Variants in TTC21B observed in about 807,000 individuals in gnomAD.
TTC21B encodes the protein tetratricopeptide repeat domain 21B.
In TTC21B, 127 loss-of-function variants were observed where a neutral mutation model predicts 175.1. The observed-to-expected ratio is 0.73, with a 90% CI of 0.63 to 0.84. The LOEUF (loss-of-function observed/expected upper bound fraction) is 0.84, where lower values mean the gene tolerates loss of function less well. Ranked by LOEUF, TTC21B falls within the 40% of genes least tolerant of loss-of-function variation. The pLI, the probability that TTC21B is intolerant of heterozygous loss-of-function variation, is 0.00. For synonymous variants in TTC21B, 524 were observed against 524.5 expected, an observed-to-expected ratio of 1.00 and a Z score of 0.01; for missense variants, 1,561 against 1,558.3, an observed-to-expected ratio of 1.00 and a Z score of -0.03.
At chr2:165,892,088 T>C (rs751576317) in intron 22 of TTC21B, among the ~76,000 whole-genome samples, 2 of 152,150 alleles carry the variant, frequency 1.3e-5, no homozygotes, top group African/African-American at 2.4e-5. Flanking sequence ...AATGGTTGCA[T>C]AAGGGCCTAC....
At chr2:165,891,464 C>A (rs962348897) in intron 22 of TTC21B, among the ~76,000 whole-genome samples, 3 of 152,146 alleles carry the variant, frequency 2.0e-5, no homozygotes, top group Non-Finnish European at 4.4e-5. Flanking sequence ...TTTCTCCAGT[C>A]TCTCTTTGAT....
At chr2:165,894,937 A>G (rs1685314811) in intron 22 of TTC21B, among the ~76,000 whole-genome samples, 1 of 152,200 alleles carries the variant, frequency 6.6e-6, no homozygotes, top group Non-Finnish European at 1.5e-5. Context: ...AACTCATCCC[A>G]GTTTGCCTGT....
At chr2:165,932,841 A>G (rs1231201068) in intron 7 of TTC21B, 132 bp downstream of exon 7, 1 of 812,408 alleles carries the variant, frequency 1.2e-6, no homozygotes, top group East Asian at 2.8e-5. Context: ...AATCAACTAA[A>G]AACTACCATG....
rs1416103616 is a variant in TTC21B, at chr2:165,949,473, C to T, written c.183G>A (p.Glu61=). Residue 61 remains glutamate, a synonymous_variant, in exon 3 of 29, where the codon GAG becomes GAA. Transcript: ENST00000243344. ...ATACATCTTGTTTATTTTTAATAGC[C>T]TCAAATTCTCGAAGAGCTTCTTGAG... ...GKTQEALREF[E]AIKNKQDVSL... is the part of the protein sequence containing the mutation. The T allele has an allele frequency of 1.9e-6, 3 of 1,613,790 alleles. No individual in the cohort carries two copies. Among genetic ancestry groups the T allele is most frequent in the Non-Finnish European group, 2.5e-6 (3 of 1,179,868 alleles).
At chr2:165,930,118 A>G in intron 9 of TTC21B, 54 bp downstream of exon 9, 4 of 1,541,144 alleles carry the variant, frequency 2.6e-6, no homozygotes, top group Non-Finnish European at 3.6e-6. Context: ...GCAAGTTAAA[A>G]GCAATTGCTA....
chr2:165,889,215 T>C (rs527276839), intron 24 of TTC21B, among the ~76,000 whole-genome samples: 29 of 152,284 alleles, frequency 1.9e-4, no homozygotes, highest in African/African-American at 7.0e-4. Context: ...TCTCAGGCCT[T>C]AGGCTTATCT....
At chr2:165,921,573 G>A (rs1178105096) in intron 12 of TTC21B, among the ~76,000 whole-genome samples, 1 of 152,120 alleles carries the variant, frequency 6.6e-6, no homozygotes, top group Admixed American at 6.6e-5. Context: ...CAAATTTGCA[G>A]CTAGTCAAAA....
chr2:165,930,509 A>G (rs1160534319), intron 8 of TTC21B, 145 bp from the exon 9 acceptor site: 1 of 560,252 alleles, frequency 1.8e-6, no homozygotes, highest in Non-Finnish European at 2.9e-6. Flanking sequence ...GAAAAATAAA[A>G]CTTTCCTATT....
intron 25 of TTC21B, among the ~76,000 whole-genome samples, chr2:165,886,989 T>G (rs188394807): frequency 6.6e-6 from 1 of 152,266 alleles, no homozygotes; most frequent in East Asian, 1.9e-4. Context: ...AGGGCCTTGC[T>G]TTGGAGGGTT....
At chr2:165,925,208 C>T (rs1686583642) in intron 11 of TTC21B, among the ~76,000 whole-genome samples, 1 of 152,124 alleles carries the variant, frequency 6.6e-6, no homozygotes, top group African/African-American at 2.4e-5. Context: ...ATGTCTCATA[C>T]CTTTACATTC....
At chr2:165,885,133 G>A (rs892078362) in intron 25 of TTC21B, among the ~76,000 whole-genome samples, 1 of 152,174 alleles carries the variant, frequency 6.6e-6, no homozygotes, top group African/African-American at 2.4e-5. Context: ...ATGGAAGACA[G>A]AATGAGACAC....
rs1311972479 is a variant in TTC21B, at chr2:165,912,621, C to T, written c.2215G>A (p.Glu739Lys). The T allele has an allele frequency of 6.2e-7, 1 of 1,613,436 alleles. No homozygotes were observed. Among genetic ancestry groups the T allele is most frequent in the African/African-American group, 1.3e-5 (1 of 74,890 alleles). Residue 739 changes from glutamate to lysine, a missense_variant, in exon 17 of 29, where the codon GAA becomes AAA. Coordinates refer to ENST00000243344, the MANE Select transcript of TTC21B (RefSeq NM_024753.5). ...GDAYMNILEPEEAIVAYEQAL... is the reference protein window; with the variant it reads ...GDAYMNILEPKEAIVAYEQAL... ...TGCTCATATGCTACTATGGCTTCTT[C>T]AGGCTAATATTGCCAGACACAAAAA...
chr2:165,893,951 C>T (rs1048199110), intron 22 of TTC21B, among the ~76,000 whole-genome samples: 2 of 152,014 alleles, frequency 1.3e-5, no homozygotes, highest in African/African-American at 2.4e-5. Context: ...TAAAATAATG[C>T]TATGATTTTA....
chr2:165,915,058 G>A (rs1449978667), intron 15 of TTC21B, 143 bp downstream of exon 15: 1 of 704,636 alleles, frequency 1.4e-6, no homozygotes, highest in Non-Finnish European at 2.5e-6. Flanking sequence ...GATTGCAGTT[G>A]GTGGTAGAAG....
intron 11 of TTC21B, among the ~76,000 whole-genome samples, chr2:165,927,290 GTAGTT>G (rs1559064864): frequency 0.012 from 641 of 54,244 alleles, 57 homozygotes; most frequent in African/African-American, 0.052. Flanking sequence ...ATATATCCTA[GTAGTT>G]ATATATATAT....
At chr2:165,885,547 A>T (rs1684975625) in intron 25 of TTC21B, among the ~76,000 whole-genome samples, 1 of 152,008 alleles carries the variant, frequency 6.6e-6, no homozygotes, top group Non-Finnish European at 1.5e-5. Context: ...CCCTCTCCCC[A>T]CCTCAGCCCA....
chr2:165,932,972 C>A lies in TTC21B; in HGVS notation c.795+1G>T. On this transcript the variant is annotated splice_donor_variant, in intron 7 of 28. Transcript: ENST00000243344. LOFTEE classifies it high-confidence loss of function. ...AACTTAAATAATACAATGCCACTTA[C>A]CTTCTCTATATCCCCCTCTCTACAC... The A allele has an allele frequency of 1.1e-5, 18 of 1,611,610 alleles. No individual in the cohort carries two copies. The highest frequency in any genetic ancestry group is 1.5e-5 in the Non-Finnish European group (18 of 1,178,310).
intron 6 of TTC21B, among the ~76,000 whole-genome samples, chr2:165,938,912 G>A (rs1314359559): frequency 6.6e-6 from 1 of 151,892 alleles, no homozygotes; most frequent in African/African-American, 2.4e-5. Flanking sequence ...TGAGACTATT[G>A]GTAATTTGAA....
chr2:165,901,862 G>A lies in TTC21B; in HGVS notation c.2617C>T (p.Pro873Ser). 1 of 1,613,842 alleles carries A rather than the reference G, an allele frequency of 6.2e-7. No homozygotes were observed. The highest frequency in any genetic ancestry group is 8.5e-7 in the Non-Finnish European group (1 of 1,179,942). The change falls in exon 20 of 29, where the codon CCA becomes TCA. Residue 873 changes from proline to serine, a missense_variant. Coordinates refer to ENST00000243344, the MANE Select transcript of TTC21B (RefSeq NM_024753.5). The stretch of plus-strand genomic sequence containing the variant: ...TGTTTCTGTGCAGGAACTGCATCTG[G>A]CTGTTCCATCTGAACACGTTTTAGT... ...RVLKRVQMEQ[P>S]DAVPAQKHLA...
Sources: allele counts gnomAD v4.1 joint callset (sites outside exome capture counted in the v4.1 genomes callset), GRCh38; gene constraint gnomAD v4.1.1; transcripts MANE v1.5; gene names NCBI Gene and HGNC (gene_info 2026-07-23, HGNC 2026-07-21).